The following FOLH1 variants were observed in gnomAD, a reference collection of about 807,000 sequenced individuals.
FOLH1 encodes the protein glutamate carboxypeptidase 2.
FOLH1 carries 54 observed loss-of-function variants against 93.9 expected under a neutral mutation model. That is an observed-to-expected ratio of 0.57 (90% CI 0.46 to 0.72). FOLH1 has a LOEUF of 0.72. Ranked by LOEUF, FOLH1 falls within the 30% of genes least tolerant of loss-of-function variation. The pLI is 0.00. For missense variants in FOLH1, 571 were observed against 892.5 expected, an observed-to-expected ratio of 0.64 and a Z score of 4.59; for synonymous variants, 249 against 303.6, an observed-to-expected ratio of 0.82 and a Z score of 1.87.
At chr11:49,174,028 A>G (rs1859695813) in intron 9 of FOLH1, among the ~76,000 whole-genome samples, 1 of 152,172 alleles carries the variant, frequency 6.6e-6, no homozygotes, top group Non-Finnish European at 1.5e-5. Context: ...GGAGTGATAA[A>G]GCATTGATCA....
intron 15 of FOLH1, 70 bp downstream of exon 15, chr11:49,156,647 T>C (rs1171442442): frequency 6.3e-7 from 1 of 1,585,364 alleles, no homozygotes; most frequent in Non-Finnish European, 8.6e-7. Flanking sequence ...AGTCACTTTT[T>C]GGAGTCAGAA....
intron 17 of FOLH1, among the ~76,000 whole-genome samples, chr11:49,151,324 C>A (rs1433261866): frequency 6.6e-6 from 1 of 152,204 alleles, no homozygotes; most frequent in Non-Finnish European, 1.5e-5. Flanking sequence ...CAATAAGATG[C>A]AATGGGTTTC....
intron 2 of FOLH1, among the ~76,000 whole-genome samples, chr11:49,203,081 A>G (rs1393371588): frequency 6.6e-6 from 1 of 152,240 alleles, no homozygotes; most frequent in East Asian, 1.9e-4. Flanking sequence ...CACACATCTC[A>G]AGTGATTAAT....
At chr11:49,200,104 C>T (rs377405850) in intron 3 of FOLH1, 151 bp downstream of exon 3, 194 of 768,102 alleles carry the variant, frequency 2.5e-4, no homozygotes, top group African/African-American at 2.2e-3. Flanking sequence ...GTAGTTGACA[C>T]GGATAATGAG....
At chr11:49,172,995 G>A (rs1045287438) in intron 10 of FOLH1, among the ~76,000 whole-genome samples, 1 of 152,164 alleles carries the variant, frequency 6.6e-6, no homozygotes, top group African/African-American at 2.4e-5. Context: ...GGTTAGAAGA[G>A]ACGGAGGAAC....
chr11:49,192,049 T>C (rs1192263767), intron 4 of FOLH1, among the ~76,000 whole-genome samples: 1 of 152,240 alleles, frequency 6.6e-6, no homozygotes, highest in Non-Finnish European at 1.5e-5. Context: ...ACTTCTTCAA[T>C]AGATCACATT....
rs2696940 is a variant in FOLH1, at chr11:49,186,605, C to A, written c.639+39G>T. On this transcript the variant is annotated intron_variant, in intron 5 of 18. Coordinates refer to ENST00000256999, the MANE Select transcript of FOLH1 (RefSeq NM_004476.3). ...ATGTAAAACCCACTATAACTTTTTA[C>A]ATTGGGGGAGAGAAAAAAAGAGATA... is the stretch of plus-strand genomic sequence containing the variant. The A allele has an allele frequency of 3.8e-6, 6 of 1,570,480 alleles. No homozygotes were observed. The African/African-American group carries it at 6.8e-5, about 18-fold the overall frequency.
intron 5 of FOLH1, chr11:49,186,079 T>C (rs1590625350): frequency 4.2e-6 from 3 of 714,834 alleles, no homozygotes; most frequent in East Asian, 7.7e-5. Flanking sequence ...TTCTTATTAG[T>C]GGTAGTGAGC....
chr11:49,202,106 T>C (rs2135324737), intron 2 of FOLH1, among the ~76,000 whole-genome samples: 1 of 152,316 alleles, frequency 6.6e-6, no homozygotes, highest in East Asian at 1.9e-4. Context: ...TAACTCAGTA[T>C]GTAACCCTAG....
rs1270628033 is a variant in FOLH1, at chr11:49,154,072, G to A, written c.1889-145C>T. 10 of 1,346,604 alleles carry A rather than the reference G, an allele frequency of 7.4e-6. No individual in the cohort carries two copies. The Admixed American group carries it at 7.5e-5, about 10-fold the overall frequency. The allele number at this position is 1,346,604 out of a possible 1,614,324, so 83.4% of individuals were successfully genotyped here. ...TATATTTTTATATTATAAGACGTGA[G>A]CATCCATAAAATGGAAAATACATTT... On this transcript the variant is annotated intron_variant, in intron 16 of 18. Coordinates refer to ENST00000256999, the MANE Select transcript of FOLH1 (RefSeq NM_004476.3).
At chr11:49,185,559 C>T in intron 6 of FOLH1, 110 bp downstream of exon 6, 1 of 1,332,170 alleles carries the variant, frequency 7.5e-7, no homozygotes, top group Non-Finnish European at 1.0e-6. Context: ...TTCTTAAATG[C>T]AAAGAGAATA....
intron 13 of FOLH1, among the ~76,000 whole-genome samples, chr11:49,163,121 G>T (rs1307243762): frequency 6.6e-6 from 1 of 152,010 alleles, no homozygotes; most frequent in Non-Finnish European, 1.5e-5. Context: ...CTGTGGTGAG[G>T]GTCCACTTCA....
intron 3 of FOLH1, among the ~76,000 whole-genome samples, chr11:49,196,548 A>G (rs1050695326): frequency 2.6e-5 from 4 of 152,202 alleles, no homozygotes; most frequent in Non-Finnish European, 1.5e-5. Context: ...AACATAATAT[A>G]TATCAATATA....
At chr11:49,147,117 G>A (rs1565120126) in intron 18 of FOLH1, among the ~76,000 whole-genome samples, 172 bp from the exon 19 acceptor site, 1 of 152,108 alleles carries the variant, frequency 6.6e-6, no homozygotes, top group Non-Finnish European at 1.5e-5. Flanking sequence ...GAAATCTATA[G>A]TAATTAATTA....
At chr11:49,189,224 A>G (rs1861750805) in intron 4 of FOLH1, among the ~76,000 whole-genome samples, 1 of 152,208 alleles carries the variant, frequency 6.6e-6, no homozygotes, top group African/African-American at 2.4e-5. Context: ...TGATCTCTTT[A>G]AAACCATGTC....
At chr11:49,203,251 C>G (rs939447064) in intron 2 of FOLH1, among the ~76,000 whole-genome samples, 1 of 152,162 alleles carries the variant, frequency 6.6e-6, no homozygotes, top group African/African-American at 2.4e-5. Flanking sequence ...AAGGAAGAAT[C>G]CCTCTAGAGA....
intron 3 of FOLH1, among the ~76,000 whole-genome samples, chr11:49,194,991 T>G (rs932525993): frequency 6.6e-6 from 1 of 151,948 alleles, no homozygotes; most frequent in African/African-American, 2.4e-5. Context: ...CTCTAATTAA[T>G]AAAGGAAGCA....
intron 1 of FOLH1, chr11:49,207,665 A>G (rs1048902298): frequency 2.9e-6 from 1 of 344,672 alleles, no homozygotes; most frequent in Admixed American, 3.9e-5. Context: ...TCATCATAAA[A>G]TAGGGTAACT....
At chr11:49,195,141 T>C (rs1405003329) in intron 3 of FOLH1, among the ~76,000 whole-genome samples, 1 of 152,074 alleles carries the variant, frequency 6.6e-6, no homozygotes, top group African/African-American at 2.4e-5. Flanking sequence ...AGAACGTCTA[T>C]AAAAACTGAG....
Sources: allele counts gnomAD v4.1 joint callset (sites outside exome capture counted in the v4.1 genomes callset), GRCh38; gene constraint gnomAD v4.1.1; transcripts MANE v1.5; gene names NCBI Gene and HGNC (gene_info 2026-07-23, HGNC 2026-07-21).